The following ANO3 variants were observed in gnomAD, a reference collection of about 807,000 sequenced individuals.
The protein encoded by ANO3 is anoctamin-3.
ANO3 carries 99 observed loss-of-function variants against 144.8 expected under a neutral mutation model. That is an observed-to-expected ratio of 0.68 (90% CI 0.58 to 0.81). The LOEUF is 0.81. Among genes scored for constraint, ANO3 ranks in the 30% least tolerant of loss-of-function variants. ANO3 has a pLI of 0.00. For missense variants in ANO3, 905 were observed against 1,202.2 expected (o/e 0.75, Z 3.66); for synonymous variants, 414 against 392.6 (o/e 1.05, Z -0.64).
At chr11:26,610,675 T>G (rs941846949) in intron 17 of ANO3, among the ~76,000 whole-genome samples, 7 of 152,200 alleles carry the variant, frequency 4.6e-5, no homozygotes, top group Non-Finnish European at 1.0e-4. Context: ...AGTTGAGTCT[T>G]TAATTGCAAT....
intron 1 of ANO3, among the ~76,000 whole-genome samples, chr11:26,277,921 G>A (rs1853593009): frequency 6.6e-6 from 1 of 152,016 alleles, no homozygotes; most frequent in Admixed American, 6.6e-5. Flanking sequence ...ATATAAAGAA[G>A]ATGTATTGCA....
At chr11:26,397,575 C>A (rs905539001) in intron 1 of ANO3, among the ~76,000 whole-genome samples, 9 of 151,908 alleles carry the variant, frequency 5.9e-5, no homozygotes, top group Non-Finnish European at 1.0e-4. Context: ...ATTTAATTGA[C>A]ACATAATAAT....
In ANO3 at chr11:26,463,110, A is replaced by G. The variant is rs1186049205; in HGVS notation, c.394A>G (p.Ile132Val). 5 of 1,593,670 alleles carry G rather than the reference A, an allele frequency of 3.1e-6. No individual in the cohort carries two copies. The highest frequency in any genetic ancestry group is 1.7e-5 in the Admixed American group (1 of 57,338). ...ATCTCGTCTCATTAATGACTTTGTT[A>G]TCAAAGATAAATCTGAATTCAAGAC... is the stretch of plus-strand genomic sequence containing the variant. ...DRSRLINDFVIKDKSEFKTKL... is the reference protein window; with the variant it reads ...DRSRLINDFVVKDKSEFKTKL... The change falls in exon 4 of 27, where the codon ATC (isoleucine) becomes GTC (valine). Residue 132 changes from isoleucine to valine, a missense_variant. By Grantham distance (29) the Ile-to-Val change is conservative. This residue lies in a region of ANO3 where 174 missense variants were observed against 171.9 expected (regional missense o/e 1.01). Transcript: ENST00000256737.
At chr11:26,270,432 C>G (rs118158652) in intron 1 of ANO3, among the ~76,000 whole-genome samples, 2,844 of 152,266 alleles carry the variant, frequency 0.019, 42 homozygotes, top group Non-Finnish European at 0.031. Flanking sequence ...ACTCTTTTCT[C>G]CTGGAATCTA....
Position 26,660,859 on chromosome 11 carries a change from G to A in ANO3, c.*415G>A, listed in dbSNP as rs61877281. The stretch of plus-strand genomic sequence containing the variant: ...TTCACTCACATACTAATTTGACTTT[G>A]GAAAGTATGGTTGAGTTCAGATACT... On this transcript the variant is annotated 3_prime_UTR_variant, in exon 27 of 27. Coordinates refer to ENST00000256737, the MANE Select transcript of ANO3 (RefSeq NM_031418.4). 5,018 of 158,854 alleles carry A rather than the reference G, an allele frequency of 0.032. 107 individuals carry two copies. The highest frequency in any genetic ancestry group is 0.049 in the Non-Finnish European group (3,573 of 72,512). 9.8% of individuals were successfully genotyped at this position (158,854 alleles called of 1,614,324 possible). A position where few individuals can be genotyped will look rare whatever the true frequency, so the allele number is the denominator to read the frequency against.
At position 26,598,978 on chromosome 11, in the gene ANO3, G is replaced by A; in HGVS notation, c.1651G>A (p.Val551Ile). 1 of 1,613,896 alleles carries A rather than the reference G, an allele frequency of 6.2e-7. No homozygotes were observed. The highest frequency in any genetic ancestry group is 8.5e-7 in the Non-Finnish European group (1 of 1,179,936). The change falls in exon 16 of 27, where the codon GTC becomes ATC. Residue 551 changes from valine (V) to isoleucine (I), a missense_variant. By Grantham distance (29) the Val-to-Ile change is conservative. Around this residue, in one of 4 missense-constraint regions of ANO3, gnomAD observed 597 missense variants for 865.1 expected, o/e 0.69. Transcript: ENST00000256737. ...SDKVTRLLVS[V>I]SGIFFMISLV... The stretch of plus-strand genomic sequence containing the variant: ...CAAAGTCACTCGTCTTCTTGTTTCT[G>A]TCTCAGGAATATTCTTCATGGTAAA...
chr11:26,561,317 G>A, intron 14 of ANO3: 1 of 891,872 alleles, frequency 1.1e-6, no homozygotes. Context: ...TATTCTAGAT[G>A]AGAAAATAAA....
intron 4 of ANO3, among the ~76,000 whole-genome samples, chr11:26,475,271 C>T (rs539615709): frequency 6.6e-6 from 1 of 151,376 alleles, no homozygotes; most frequent in African/African-American, 2.4e-5. Flanking sequence ...CATGTCTTAC[C>T]ATATGGTATT....
intron 17 of ANO3, among the ~76,000 whole-genome samples, chr11:26,614,631 G>A (rs1034839745): frequency 2.0e-5 from 3 of 152,172 alleles, no homozygotes; most frequent in Non-Finnish European, 4.4e-5. Context: ...TGGATTTGAG[G>A]CCTGTGGGGA....
intron 1 of ANO3, among the ~76,000 whole-genome samples, chr11:26,320,725 T>A (rs1230196088): frequency 6.6e-6 from 1 of 152,136 alleles, no homozygotes; most frequent in East Asian, 1.9e-4. Flanking sequence ...ACATTTTAGT[T>A]CTTCTAATGT....
chr11:26,202,678 A>T (rs1305572748), intron 1 of ANO3, among the ~76,000 whole-genome samples: 1 of 151,916 alleles, frequency 6.6e-6, no homozygotes, highest in African/African-American at 2.4e-5. Flanking sequence ...GGTAAAGGGA[A>T]TGTCATGGTC....
At position 26,530,358 on chromosome 11, in the gene ANO3, T is replaced by C. The variant is rs115879698; in HGVS notation, c.738-847T>C. Among the ~76,000 whole-genome samples, 320 of 152,152 alleles carry C rather than the reference T, an allele frequency of 2.1e-3. 3 individuals carry two copies. Among genetic ancestry groups the C allele is most frequent in the African/African-American group, 7.6e-3 (315 of 41,494 alleles). On this transcript the variant is annotated intron_variant, in intron 7 of 26. Coordinates refer to ENST00000256737, the MANE Select transcript of ANO3 (RefSeq NM_031418.4). The stretch of plus-strand genomic sequence containing the variant: ...TTATGACTTCCAGTGCCACTAAATG[T>C]GTCACAGTCATTTATTTATTTTCAG...
At chr11:26,552,177 G>A (rs1048948453) in intron 12 of ANO3, among the ~76,000 whole-genome samples, 3 of 151,946 alleles carry the variant, frequency 2.0e-5, no homozygotes, top group African/African-American at 4.8e-5. Flanking sequence ...TAAACAATTT[G>A]ACAGACATAA....
At chr11:26,593,798 T>C (rs1037949699) in intron 14 of ANO3, among the ~76,000 whole-genome samples, 4 of 152,146 alleles carry the variant, frequency 2.6e-5, no homozygotes, top group African/African-American at 4.8e-5. Context: ...AGCCTTTCCC[T>C]GTTCCAGAGC....
At chr11:26,547,237 A>G (rs539937793) in intron 11 of ANO3, among the ~76,000 whole-genome samples, 179 bp from the exon 12 acceptor site, 81 of 151,996 alleles carry the variant, frequency 5.3e-4, no homozygotes, top group Non-Finnish European at 1.0e-3. Flanking sequence ...AAAAATAAAC[A>G]ACATTACCAT....
intron 1 of ANO3, among the ~76,000 whole-genome samples, chr11:26,222,394 G>T (rs190602897): frequency 1.4e-4 from 21 of 152,306 alleles, no homozygotes; most frequent in Admixed American, 3.9e-4. Flanking sequence ...GATTGGAGTT[G>T]CGTGCCTGCA....
At chr11:26,340,418 T>G (rs574915537) in intron 1 of ANO3, among the ~76,000 whole-genome samples, 1 of 152,332 alleles carries the variant, frequency 6.6e-6, no homozygotes, top group East Asian at 1.9e-4. Flanking sequence ...GCAGCTCATT[T>G]TCTTACATCT....
At chr11:26,227,692 G>A (rs11605752) in intron 1 of ANO3, among the ~76,000 whole-genome samples, 47,022 of 151,916 alleles carry the variant, frequency 0.31, 7,959 homozygotes, top group Non-Finnish European at 0.37. Context: ...TGTGCTGCCC[G>A]TGTACTTCTG....
At chr11:26,450,796 A>G (rs1858901985) in intron 3 of ANO3, among the ~76,000 whole-genome samples, 2 of 152,246 alleles carry the variant, frequency 1.3e-5, no homozygotes, top group Admixed American at 1.3e-4. Context: ...CAGGAAGTAT[A>G]GCATCGATTT....
Sources: allele counts gnomAD v4.1 joint callset (sites outside exome capture counted in the v4.1 genomes callset), GRCh38; gene constraint gnomAD v4.1.1; regional missense constraint gnomAD v4.1.1; transcripts MANE v1.5; gene names NCBI Gene and HGNC (gene_info 2026-07-23, HGNC 2026-07-21).